The following NT5C3A variants were observed in gnomAD, a reference collection of about 807,000 sequenced individuals.
The protein encoded by NT5C3A is cytosolic 5'-nucleotidase 3A.
NT5C3A carries 23 observed loss-of-function variants against 40.0 expected under a neutral mutation model. The ratio of observed to expected loss-of-function variants is 0.58; its 90% confidence interval spans 0.41 to 0.81. NT5C3A has a LOEUF of 0.81. NT5C3A is among the 40% of genes least tolerant of loss of function. NT5C3A has a pLI of 0.00. For missense variants in NT5C3A, 328 were observed against 403.0 expected (o/e 0.81, Z 1.59); for synonymous variants, 130 against 141.4 (o/e 0.92, Z 0.57).
rs556171872 is a variant in NT5C3A, at chr7:33,020,280, CAGAA to C, written c.441-560_441-557del. Among the ~76,000 whole-genome samples, 337 of 152,022 alleles carry C rather than the reference CAGAA, an allele frequency of 2.2e-3. 1 individual carries two copies. The highest frequency in any genetic ancestry group is 7.8e-3 in the African/African-American group (322 of 41,500). ...CAATTATGCAAACAGCCACTAAAAACAGAAAGAAAGAAACGAAAAGAAAAAAAAG... is the reference window on the plus strand; with the variant it reads ...CAATTATGCAAACAGCCACTAAAAACAGAAAGAAACGAAAAGAAAAAAAAG... On this transcript the variant is annotated intron_variant, in intron 5 of 8. Coordinates refer to ENST00000610140, the MANE Select transcript of NT5C3A (RefSeq NM_001002010.5).
intron 1 of NT5C3A, among the ~76,000 whole-genome samples, chr7:33,053,993 T>C (rs1787472300): frequency 6.6e-6 from 1 of 152,202 alleles, no homozygotes. Flanking sequence ...CATACATGCC[T>C]GGTACAAACA....
intron 1 of NT5C3A, among the ~76,000 whole-genome samples, chr7:33,032,819 T>G (rs1305217465): frequency 6.6e-6 from 1 of 152,040 alleles, no homozygotes; most frequent in Non-Finnish European, 1.5e-5. Context: ...AGTAGCGTGA[T>G]CACAGCTCAC....
At chr7:33,018,238 A>C (rs1043184243) in intron 6 of NT5C3A, among the ~76,000 whole-genome samples, 1 of 152,214 alleles carries the variant, frequency 6.6e-6, no homozygotes, top group African/African-American at 2.4e-5. Context: ...ATATTCTTAC[A>C]GTTTCATCAA....
chr7:33,054,135 C>T (rs1301336551), intron 1 of NT5C3A, among the ~76,000 whole-genome samples: 2 of 151,984 alleles, frequency 1.3e-5, no homozygotes, highest in East Asian at 1.9e-4. Context: ...GTAGGAGGAT[C>T]GCTTAAGCCA....
chr7:33,016,672 A>AAT (rs1785348230), intron 7 of NT5C3A, among the ~76,000 whole-genome samples: 1 of 150,640 alleles, frequency 6.6e-6, no homozygotes, highest in South Asian at 2.1e-4. Context: ...TCCCTCTCAA[A>AAT]AAAAAAAAAA....
intron 1 of NT5C3A, among the ~76,000 whole-genome samples, chr7:33,041,586 G>C (rs1026278423): frequency 2.6e-5 from 4 of 152,056 alleles, no homozygotes; most frequent in African/African-American, 4.8e-5. Flanking sequence ...TTATCAAAGG[G>C]CAGTGGGATT....
intron 1 of NT5C3A, among the ~76,000 whole-genome samples, chr7:33,042,049 T>A (rs1324795774): frequency 6.6e-6 from 1 of 152,166 alleles, no homozygotes; most frequent in Non-Finnish European, 1.5e-5. Flanking sequence ...GTTAAAAAAC[T>A]ATCCAGGCTG....
chr7:33,036,457 T>A (rs1261711618), intron 1 of NT5C3A: 1 of 172,776 alleles, frequency 5.8e-6, no homozygotes, highest in Non-Finnish European at 1.2e-5. Flanking sequence ...ACATAAAGCA[T>A]CTTTTTTTTT....
chr7:33,060,832 T>C (rs1472946528), intron 1 of NT5C3A, among the ~76,000 whole-genome samples: 1 of 152,188 alleles, frequency 6.6e-6, no homozygotes, highest in East Asian at 1.9e-4. Flanking sequence ...TTCTTCCACT[T>C]GAAGAAGCAA....
At chr7:33,053,574 C>T (rs767835837) in intron 1 of NT5C3A, among the ~76,000 whole-genome samples, 2 of 151,496 alleles carry the variant, frequency 1.3e-5, no homozygotes, top group Non-Finnish European at 2.9e-5. Flanking sequence ...GGGGGGAAGA[C>T]GGTTTGAGCC....
chr7:33,053,203 T>C (rs553049044), intron 1 of NT5C3A, among the ~76,000 whole-genome samples: 43 of 152,292 alleles, frequency 2.8e-4, no homozygotes, highest in African/African-American at 9.6e-4. Flanking sequence ...TTGTTTTTTT[T>C]CGAGACAGAG....
chr7:33,031,265 G>C (rs185609860), intron 1 of NT5C3A, among the ~76,000 whole-genome samples: 1 of 151,888 alleles, frequency 6.6e-6, no homozygotes, highest in Non-Finnish European at 1.5e-5. Context: ...GTTTGAACTA[G>C]ATTTCAAATT....
chr7:33,028,645 A>G (rs1786077267), intron 1 of NT5C3A, among the ~76,000 whole-genome samples: 1 of 152,246 alleles, frequency 6.6e-6, no homozygotes, highest in Admixed American at 6.5e-5. Flanking sequence ...TTGCTACAAG[A>G]GAATCTCACC....
intron 1 of NT5C3A, among the ~76,000 whole-genome samples, chr7:33,030,114 A>G (rs1786164488): frequency 1.3e-5 from 2 of 152,262 alleles, no homozygotes; most frequent in Non-Finnish European, 2.9e-5. Flanking sequence ...TCACTGATCT[A>G]TATGAGAAAT....
rs2127999196 is a variant in NT5C3A, at chr7:33,026,812, T to C, written c.237+5A>G. 2 of 1,589,984 alleles carry C rather than the reference T, an allele frequency of 1.3e-6. No individual in the cohort carries two copies. The highest frequency in any genetic ancestry group is 8.6e-7 in the Non-Finnish European group (1 of 1,160,138). On this transcript the variant is annotated splice_donor_5th_base_variant and intron_variant, in intron 2 of 8. Transcript: ENST00000610140. Reference sequence around the variant, plus strand: ...CACAGCCAAGGCTTCTTGATAATTATTCACCTGAAGTTTGGCAGCTCCTCC... The same window carrying C: ...CACAGCCAAGGCTTCTTGATAATTACTCACCTGAAGTTTGGCAGCTCCTCC...
intron 1 of NT5C3A, among the ~76,000 whole-genome samples, chr7:33,042,285 G>T (rs1238668158): frequency 6.6e-6 from 1 of 151,922 alleles, no homozygotes; most frequent in Non-Finnish European, 1.5e-5. Flanking sequence ...AGCTGAGATT[G>T]CGCCACTGCA....
chr7:33,017,623 C>T lies in NT5C3A; in HGVS notation c.531-22G>A, dbSNP rs752592303. 2.4e-5 allele frequency: 39 copies of T among 1,595,842 alleles called. No homozygotes were observed. The South Asian group carries it at 4.2e-4, about 17-fold the overall frequency. On this transcript the variant is annotated intron_variant, in intron 6 of 8. Transcript: ENST00000610140. ...TTCTCTGTAAGATGGAGATAACAAACTGGTTATTAAAGAGCAAGATATAGT... is the reference window on the plus strand; with the variant it reads ...TTCTCTGTAAGATGGAGATAACAAATTGGTTATTAAAGAGCAAGATATAGT...
At chr7:33,017,264 CA>C in intron 7 of NT5C3A, 174 bp downstream of exon 7, 1 of 578,708 alleles carries the variant, frequency 1.7e-6, no homozygotes, top group Non-Finnish European at 3.1e-6. Flanking sequence ...AAGAAGGGCA[CA>C]TTGTTTTTAA....
In NT5C3A at chr7:33,027,152, C is replaced by T. The variant is rs72555735; in HGVS notation, c.139-237G>A. 2.1e-3 allele frequency: 883 copies of T among 414,542 alleles called. 8 individuals are homozygous for T. The highest frequency in any genetic ancestry group is 0.015 in the African/African-American group (754 of 48,932). The allele number at this position is 414,542 out of a possible 1,614,324, so 25.7% of individuals were successfully genotyped here. ...TGGCACAATCCTAGCTCACCGTAGC[C>T]TCAAACTCCTGGGCTCAAATGATCC... On this transcript the variant is annotated intron_variant, in intron 1 of 8. Transcript: ENST00000610140.
Sources: gnomAD v4.1 joint callset for allele counts (sites outside exome capture counted in the v4.1 genomes callset) on GRCh38, gnomAD v4.1.1 for gene constraint, MANE v1.5 for transcripts, NCBI Gene and HGNC (gene_info 2026-07-23, HGNC 2026-07-21) for gene names.